SORBS2: variants seen among roughly 807,000 people sequenced by gnomAD.
SORBS2 encodes the protein sorbin and SH3 domain containing 2, also known as sorbin and SH3 domain-containing protein 2.
SORBS2 carries 46 observed loss-of-function variants against 97.7 expected under a neutral mutation model. That is an observed-to-expected ratio of 0.47 (90% CI 0.37 to 0.60). SORBS2 has a LOEUF of 0.60. Ranked by LOEUF, SORBS2 falls within the 20% of genes least tolerant of loss-of-function variation. The pLI is 0.00. For synonymous variants in SORBS2, 476 were observed against 473.4 expected, an observed-to-expected ratio of 1.01 and a Z score of -0.07; for missense variants, 1,316 against 1,282.3, an observed-to-expected ratio of 1.03 and a Z score of -0.40.
intron 1 of SORBS2, among the ~76,000 whole-genome samples, chr4:185,804,403 C>T (rs549292991): frequency 1.3e-5 from 2 of 152,308 alleles, no homozygotes; most frequent in South Asian, 4.1e-4. Flanking sequence ...AGGTCACTTT[C>T]ACATGGAAAG....
chr4:185,636,930 A>G (rs1377785669), intron 4 of SORBS2, among the ~76,000 whole-genome samples: 1 of 152,180 alleles, frequency 6.6e-6, no homozygotes, highest in Non-Finnish European at 1.5e-5. Context: ...TACAGGTGTG[A>G]GCCACCGTGC....
intron 1 of SORBS2, among the ~76,000 whole-genome samples, chr4:185,776,125 C>T (rs2098998694): frequency 6.6e-6 from 1 of 151,464 alleles, no homozygotes; most frequent in South Asian, 2.1e-4. Context: ...ATTCATTCAG[C>T]AAATATTTAT....
intron 2 of SORBS2, among the ~76,000 whole-genome samples, chr4:185,754,349 A>G (rs2098818421): frequency 6.6e-6 from 1 of 152,138 alleles, no homozygotes; most frequent in South Asian, 2.1e-4. Flanking sequence ...ATCAAGTACT[A>G]TGCTTATTAC....
exon 10 of SORBS2, chr4:185,615,112 A>G (rs1418243481): frequency 2.5e-6 from 4 of 1,613,566 alleles, no homozygotes; most frequent in Non-Finnish European, 2.5e-6. Flanking sequence ...ATTTTGATCA[A>G]TTTTCCTGAG....
chr4:185,683,571 A>G (rs2097906312), intron 2 of SORBS2, among the ~76,000 whole-genome samples: 1 of 152,196 alleles, frequency 6.6e-6, no homozygotes, highest in African/African-American at 2.4e-5. Flanking sequence ...TCATACGTGC[A>G]TGAGCCACTA....
At chr4:185,835,087 G>T (rs1418309606) in intron 1 of SORBS2, among the ~76,000 whole-genome samples, 1 of 152,156 alleles carries the variant, frequency 6.6e-6, no homozygotes, top group Admixed American at 6.5e-5. Context: ...CCTAAGTCTT[G>T]CTCCTGCCTG....
intron 1 of SORBS2, among the ~76,000 whole-genome samples, chr4:185,826,845 C>T (rs374267952): frequency 6.6e-6 from 1 of 152,248 alleles, no homozygotes; most frequent in East Asian, 1.9e-4. Context: ...ACTTTATGTC[C>T]CTCGGTTCTT....
In SORBS2 at chr4:185,781,160, C is replaced by T. The variant is rs907135999; in HGVS notation, c.-337-5794G>A. Among the ~76,000 whole-genome samples the T allele has an allele frequency of 4.6e-5, 7 of 152,152 alleles. No homozygotes were observed. In the East Asian group the frequency reaches 1.2e-3, roughly 25 times the overall value. ...CCATGTTGGTCAGGTTGGTCTCGAA[C>T]TCCTAACCTCAGGTGATCCTCCTGC... On this transcript the variant is annotated intron_variant, in intron 1 of 20. Transcript: ENST00000284776.
intron 1 of SORBS2, among the ~76,000 whole-genome samples, chr4:185,783,864 T>C (rs2099043197): frequency 6.6e-6 from 1 of 152,246 alleles, no homozygotes; most frequent in Non-Finnish European, 1.5e-5. Context: ...GTCTGATGTT[T>C]TATTTTACAA....
chr4:185,675,949 C>A lies in SORBS2; in HGVS notation c.-46+2474G>T, dbSNP rs532422626. ...GGGGATCTTGGTGTCAATTAGTTAT[C>A]TTTTGGAGATTTTCTGTACAGTTTA... On this transcript the variant is annotated intron_variant, in intron 4 of 20. Transcript: ENST00000284776. 3.9e-5 allele frequency among the ~76,000 whole-genome samples: 6 copies of A among 152,112 alleles called. No homozygotes were observed. In the South Asian group the frequency reaches 1.0e-3, roughly 26 times the overall value.
At chr4:185,778,798 G>T (rs953877872) in intron 1 of SORBS2, among the ~76,000 whole-genome samples, 1 of 152,046 alleles carries the variant, frequency 6.6e-6, no homozygotes, top group Non-Finnish European at 1.5e-5. Flanking sequence ...ATATTAGAGG[G>T]TATTTACATC....
Position 185,624,510 on chromosome 4 carries a change from A to C in SORBS2, c.635-16T>G. ...TCATCCCCACCTTTTAATCCAGAGC[A>C]GCGTGGTAGAAGAGAGACATTTGGA... On this transcript the variant is annotated splice_polypyrimidine_tract_variant and intron_variant, in intron 6 of 14. Coordinates refer to ENST00000418609, the Ensembl canonical transcript of SORBS2. The C allele has an allele frequency of 6.3e-7, 1 of 1,583,394 alleles. No individual in the cohort carries two copies. The highest frequency in any genetic ancestry group is 8.6e-7 in the Non-Finnish European group (1 of 1,166,656).
intron 1 of SORBS2, among the ~76,000 whole-genome samples, chr4:185,828,609 G>A (rs531138142): frequency 6.6e-6 from 1 of 151,986 alleles, no homozygotes; most frequent in African/African-American, 2.4e-5. Context: ...AAATATTAGA[G>A]CTTAACCTCA....
At chr4:185,653,941 T>C (rs2097354892) in intron 1 of SORBS2, among the ~76,000 whole-genome samples, 1 of 152,224 alleles carries the variant, frequency 6.6e-6, no homozygotes, top group African/African-American at 2.4e-5. Context: ...AGCATTCTTA[T>C]ACTTACTAGA....
chr4:185,644,213 C>T (rs2097173572), intron 4 of SORBS2, among the ~76,000 whole-genome samples: 1 of 152,120 alleles, frequency 6.6e-6, no homozygotes, highest in Admixed American at 6.5e-5. Flanking sequence ...GATAGCCATT[C>T]TCACTTCCTT....
At chr4:185,639,088 G>C (rs2097082795) in intron 4 of SORBS2, 53 bp from the exon 14 acceptor site, 1 of 1,442,472 alleles carries the variant, frequency 6.9e-7, no homozygotes, top group Admixed American at 2.9e-5. Flanking sequence ...GCTCTGGGCG[G>C]AACCGCGAGG....
intron 1 of SORBS2, among the ~76,000 whole-genome samples, chr4:185,784,105 T>G (rs2099044312): frequency 6.6e-6 from 1 of 152,136 alleles, no homozygotes; most frequent in Admixed American, 6.5e-5. Flanking sequence ...GTAACGACAC[T>G]AACCTCCCGA....
intron 5 of SORBS2, among the ~76,000 whole-genome samples, chr4:185,629,805 C>G (rs948354450): frequency 6.6e-6 from 1 of 151,330 alleles, no homozygotes; most frequent in African/African-American, 2.5e-5. Context: ...TCATGATCTT[C>G]CCCCCTCAGC....
chr4:185,628,058 GCCACA>G (rs2153429446), intron 5 of SORBS2, among the ~76,000 whole-genome samples: 1 of 152,190 alleles, frequency 6.6e-6, no homozygotes, highest in African/African-American at 2.4e-5. Context: ...ACATGGATGC[GCCACA>G]GTTTATGTAT....
Sources: allele counts gnomAD v4.1 joint callset (sites outside exome capture counted in the v4.1 genomes callset), GRCh38; gene constraint gnomAD v4.1.1; transcripts MANE v1.5; gene names NCBI Gene and HGNC (gene_info 2026-07-23, HGNC 2026-07-21).